PSD2: variants seen among roughly 807,000 people sequenced by gnomAD.
PSD2 encodes pleckstrin and Sec7 domain containing 2.
A neutral mutation model predicts 69.8 loss-of-function variants in PSD2; 38 were observed. The ratio of observed to expected loss-of-function variants is 0.54; its 90% CI spans 0.42 to 0.71. PSD2 has a LOEUF of 0.71. Among genes scored for constraint, PSD2 ranks in the 30% least tolerant of loss-of-function variants. The pLI, the probability that PSD2 is intolerant of heterozygous loss-of-function variation, is 0.00. For synonymous variants in PSD2, 412 were observed against 423.0 expected (o/e 0.97, Z 0.32); for missense variants, 943 against 1,014.5 (o/e 0.93, Z 0.96).
the PSD2 span, among the ~76,000 whole-genome samples, chr5:139,784,573 C>T: frequency 7.2e-5 from 11 of 152,170 alleles, no homozygotes; most frequent in African/African-American, 1.7e-4. Context: ...CTCATCATGG[C>T]CTACAACGCC....
chr5:139,766,962 T>TTTCTTTCTTTCTTTCTTTCTTTCC, the PSD2 span, among the ~76,000 whole-genome samples: 1 of 142,170 alleles, frequency 7.0e-6, no homozygotes, highest in Non-Finnish European at 1.5e-5. Flanking sequence ...TCTTTCTTTC[T>TTTCTTTCTTTCTTTCTTTCTTTCC]TTCTTTCTTT....
the PSD2 span, among the ~76,000 whole-genome samples, chr5:139,782,650 G>A: frequency 2.6e-5 from 4 of 151,748 alleles, no homozygotes; most frequent in South Asian, 2.1e-4. Context: ...ATGCCACTAC[G>A]CCCGGCTCAT....
chr5:139,794,242 G>C (rs534415963), upstream of PSD2, among the ~76,000 whole-genome samples: 1 of 152,364 alleles, frequency 6.6e-6, no homozygotes, highest in East Asian at 1.9e-4. Context: ...TCATGAGCAA[G>C]TGACTTATGC....
chr5:139,765,837 C>T, the PSD2 span, among the ~76,000 whole-genome samples: 1 of 152,374 alleles, frequency 6.6e-6, no homozygotes, highest in South Asian at 2.1e-4. Context: ...CCGCCACCGC[C>T]GCCGTCGTGG....
chr5:139,830,297 A>C (rs1166241579), intron 7 of PSD2, among the ~76,000 whole-genome samples: 3 of 149,804 alleles, frequency 2.0e-5, no homozygotes, highest in African/African-American at 7.3e-5. Flanking sequence ...TTGATTTACA[A>C]ATTTTTTTTC....
chr5:139,753,086 T>A, the PSD2 span, among the ~76,000 whole-genome samples: 1 of 151,664 alleles, frequency 6.6e-6, no homozygotes, highest in Non-Finnish European at 1.5e-5. Context: ...AACCCACCCA[T>A]CCCACCACCA....
intron 14 of PSD2, 63 bp from the exon 15 acceptor site, chr5:139,842,208 T>A: frequency 7.3e-7 from 1 of 1,371,860 alleles, no homozygotes; most frequent in Non-Finnish European, 1.0e-6. Context: ...TTTTGTCATA[T>A]AAGGTGCACA....
At chr5:139,793,979 T>C (rs972703293), upstream of PSD2, among the ~76,000 whole-genome samples, 2 of 152,180 alleles carry the variant, frequency 1.3e-5, no homozygotes, top group African/African-American at 4.8e-5. Context: ...CCATGAGCAC[T>C]TCCCTCCACA....
chr5:139,750,121 A>C, the PSD2 span, among the ~76,000 whole-genome samples: 1 of 151,936 alleles, frequency 6.6e-6, no homozygotes, highest in Non-Finnish European at 1.5e-5. Context: ...GTCAGGAAAT[A>C]GAGACCATCC....
chr5:139,804,999 C>CTG (rs750350472), intron 1 of PSD2, among the ~76,000 whole-genome samples: 12 of 149,836 alleles, frequency 8.0e-5, no homozygotes, highest in East Asian at 3.9e-4. Flanking sequence ...GTGTGTGTCT[C>CTG]TGTGTGTGTG....
Position 139,808,778 on chromosome 5 carries a change from G to A in PSD2, c.-50-613G>A, listed in dbSNP as rs116363056. ...CCCAGCACCCTGGACAGCGCCCCAC[G>A]CTGGGCTATCCCTGTCTGTCTCCAG... On this transcript the variant is annotated intron_variant, in intron 1 of 14. Coordinates refer to ENST00000274710, the MANE Select transcript of PSD2 (RefSeq NM_032289.4). 3.3e-3 allele frequency among the ~76,000 whole-genome samples: 510 copies of A among 152,332 alleles called. 5 individuals carry two copies. The highest frequency in any genetic ancestry group is 0.012 in the African/African-American group (499 of 41,584).
intron 7 of PSD2, among the ~76,000 whole-genome samples, chr5:139,824,162 C>T (rs1760346874): frequency 6.6e-6 from 1 of 152,188 alleles, no homozygotes; most frequent in Non-Finnish European, 1.5e-5. Flanking sequence ...CACTCCCTGT[C>T]CCCACCCCTG....
the PSD2 span, among the ~76,000 whole-genome samples, chr5:139,785,919 T>A: frequency 6.6e-6 from 1 of 152,192 alleles, no homozygotes; most frequent in Non-Finnish European, 1.5e-5. Context: ...GGAGACCTTG[T>A]CTCTACAAAA....
the PSD2 span, among the ~76,000 whole-genome samples, chr5:139,761,573 C>G: frequency 6.6e-6 from 1 of 152,154 alleles, no homozygotes; most frequent in Non-Finnish European, 1.5e-5. Context: ...GCTGTAGTTC[C>G]CCTTCACTCC....
the PSD2 span, among the ~76,000 whole-genome samples, chr5:139,755,799 G>A: frequency 6.6e-6 from 1 of 152,096 alleles, no homozygotes; most frequent in Non-Finnish European, 1.5e-5. Context: ...CACACCGTGT[G>A]CGTGACTAAA....
chr5:139,780,583 A>G, the PSD2 span, among the ~76,000 whole-genome samples: 1 of 152,168 alleles, frequency 6.6e-6, no homozygotes, highest in South Asian at 2.1e-4. Context: ...AGCTTGGATT[A>G]CAGGCACGCA....
the PSD2 span, among the ~76,000 whole-genome samples, chr5:139,763,873 A>G: frequency 6.6e-6 from 1 of 152,092 alleles, no homozygotes; most frequent in Admixed American, 6.6e-5. Context: ...TGAGTCTGAA[A>G]TTCTCTCTGC....
chr5:139,843,987 TTGAG>T lies in PSD2; in HGVS notation c.*1515_*1518del, dbSNP rs1760939043. On this transcript the variant is annotated 3_prime_UTR_variant, in exon 15 of 15. Coordinates refer to ENST00000274710, the MANE Select transcript of PSD2 (RefSeq NM_032289.4). ...CACTCACATTTGAGGCAAGGGGCTA[TTGAG>T]TATGTGGAGAGATGTAGTGATTTAA... The T allele has an allele frequency of 6.6e-6, 1 of 152,252 alleles. No homozygotes were observed. The highest frequency in any genetic ancestry group is 1.5e-5 in the Non-Finnish European group (1 of 68,052). 9.4% of individuals were successfully genotyped at this position (152,252 alleles called of 1,614,324 possible).
the PSD2 span, among the ~76,000 whole-genome samples, chr5:139,776,320 C>T: frequency 2.0e-5 from 3 of 152,252 alleles, 1 homozygote; most frequent in Admixed American, 6.5e-5. Flanking sequence ...CCTCCCTCCC[C>T]CAAGTGCATG....
Sources: allele counts gnomAD v4.1 joint callset (sites outside exome capture counted in the v4.1 genomes callset), GRCh38; gene constraint gnomAD v4.1.1; transcripts MANE v1.5; gene names NCBI Gene and HGNC (gene_info 2026-07-23, HGNC 2026-07-21).